The following ADAM32 variants were observed in gnomAD, a reference collection of about 807,000 sequenced individuals.
ADAM32 encodes disintegrin and metalloproteinase domain-containing protein 32.
In ADAM32, 89 loss-of-function variants were observed where a neutral mutation model predicts 114.9. That is an observed-to-expected ratio of 0.77 (90% confidence interval 0.65 to 0.92). ADAM32 has a LOEUF of 0.92. Ranked by LOEUF, ADAM32 falls within the 40% of genes least tolerant of loss-of-function variation. The probability of loss-of-function intolerance (pLI) is 0.00; values close to 1 mark genes in which losing one functional copy is unlikely to be tolerated. For synonymous variants in ADAM32, 285 were observed against 307.5 expected (o/e 0.93, Z 0.77); for missense variants, 870 against 932.8 (o/e 0.93, Z 0.88).
intron 2 of ADAM32, among the ~76,000 whole-genome samples, chr8:39,129,213 T>A (rs1288583033): frequency 1.3e-5 from 2 of 151,972 alleles, no homozygotes; most frequent in Non-Finnish European, 1.5e-5. Flanking sequence ...TTATGCCTTA[T>A]TTTCCTTTTC....
intron 19 of ADAM32, among the ~76,000 whole-genome samples, chr8:39,264,816 A>T (rs953804294): frequency 6.6e-6 from 1 of 152,286 alleles, no homozygotes; most frequent in African/African-American, 2.4e-5. Flanking sequence ...CCAAAAAGTC[A>T]TTCAGGAGCA....
At chr8:39,276,773 A>G (rs977239673) in intron 22 of ADAM32, among the ~76,000 whole-genome samples, 1 of 151,952 alleles carries the variant, frequency 6.6e-6, no homozygotes, top group Admixed American at 6.6e-5. Context: ...TTTTATTATC[A>G]TGTCTGTTCT....
At chr8:39,277,054 C>CTA (rs10612097) in intron 22 of ADAM32, among the ~76,000 whole-genome samples, 14 of 151,840 alleles carry the variant, frequency 9.2e-5, no homozygotes, top group African/African-American at 3.2e-4. Context: ...ATAGACAAAT[C>CTA]TATATATATA....
chr8:39,278,290 A>G (rs970684072), intron 22 of ADAM32, among the ~76,000 whole-genome samples: 3 of 145,492 alleles, frequency 2.1e-5, no homozygotes, highest in African/African-American at 7.9e-5. Context: ...GGGGAGGGGC[A>G]GGGCCATGGG....
intron 2 of ADAM32, among the ~76,000 whole-genome samples, chr8:39,120,473 G>A (rs1312363351): frequency 1.3e-5 from 2 of 152,042 alleles, no homozygotes; most frequent in African/African-American, 4.8e-5. Flanking sequence ...CATTAAAGGT[G>A]TTCCTGGGCC....
intron 11 of ADAM32, among the ~76,000 whole-genome samples, chr8:39,197,947 T>C (rs1429308915): frequency 6.6e-6 from 1 of 152,162 alleles, no homozygotes; most frequent in Non-Finnish European, 1.5e-5. Flanking sequence ...TGTATTGGGG[T>C]CTATTTCTCT....
intron 10 of ADAM32, among the ~76,000 whole-genome samples, chr8:39,180,462 C>G (rs977114977): frequency 2.0e-5 from 3 of 152,244 alleles, no homozygotes; most frequent in Non-Finnish European, 2.9e-5. Flanking sequence ...AGCGCTGCCC[C>G]CTGCTCCACG....
intron 3 of ADAM32, among the ~76,000 whole-genome samples, chr8:39,138,750 C>T (rs1477637503): frequency 6.6e-6 from 1 of 152,210 alleles, no homozygotes; most frequent in Non-Finnish European, 1.5e-5. Context: ...AATCACCACA[C>T]TGTCTTCCAC....
In ADAM32 at chr8:39,277,950, G is replaced by A. The variant is rs564358161; in HGVS notation, c.2279+2084G>A. Among the ~76,000 whole-genome samples, 284 of 152,324 alleles carry A rather than the reference G, an allele frequency of 1.9e-3. 1 individual carries two copies. The highest frequency in any genetic ancestry group is 6.6e-3 in the African/African-American group (275 of 41,576). Reference sequence around the variant, plus strand: ...GTGAGGGCGAAGGGACAGTGTGACAGCCTTTTGAATCCACACTTGTGGCTC... The same window carrying A: ...GTGAGGGCGAAGGGACAGTGTGACAACCTTTTGAATCCACACTTGTGGCTC... On this transcript the variant is annotated intron_variant, in intron 22 of 24. Coordinates refer to ENST00000379907, the MANE Select transcript of ADAM32 (RefSeq NM_145004.7).
At chr8:39,270,990 A>C in intron 20 of ADAM32, 76 bp downstream of exon 20, 2 of 1,421,914 alleles carry the variant, frequency 1.4e-6, no homozygotes, top group Non-Finnish European at 1.9e-6. Context: ...ATTTATTTCC[A>C]ATTTTTTTTT....
intron 16 of ADAM32, among the ~76,000 whole-genome samples, chr8:39,245,378 CCAA>C (rs995774627): frequency 6.0e-4 from 91 of 152,150 alleles, no homozygotes; most frequent in African/African-American, 2.1e-3. Flanking sequence ...GATGGCTGCA[CCAA>C]CATCTCAGAA....
intron 19 of ADAM32, among the ~76,000 whole-genome samples, chr8:39,262,216 T>A (rs916340206): frequency 2.6e-4 from 39 of 152,060 alleles, no homozygotes; most frequent in African/African-American, 8.5e-4. Flanking sequence ...TTTTTTTTTT[T>A]TCTGGTATAG....
chr8:39,202,407 A>AC (rs1807488227), intron 11 of ADAM32, among the ~76,000 whole-genome samples: 1 of 152,056 alleles, frequency 6.6e-6, no homozygotes, highest in East Asian at 1.9e-4. Flanking sequence ...TTTCTAGTTT[A>AC]TTTGCGTAGA....
At chr8:39,234,621 C>T (rs1001847917) in intron 16 of ADAM32, among the ~76,000 whole-genome samples, 2 of 152,170 alleles carry the variant, frequency 1.3e-5, no homozygotes, top group Admixed American at 6.5e-5. Flanking sequence ...ATTATAAGTG[C>T]TTAGCACAAT....
chr8:39,208,879 G>T (rs899645234), intron 11 of ADAM32, among the ~76,000 whole-genome samples: 1 of 151,782 alleles, frequency 6.6e-6, no homozygotes, highest in Non-Finnish European at 1.5e-5. Context: ...GTTTTATTTC[G>T]GTTGACTCTT....
chr8:39,195,856 TG>T (rs1166196652), intron 11 of ADAM32, among the ~76,000 whole-genome samples: 7 of 152,242 alleles, frequency 4.6e-5, no homozygotes, highest in Non-Finnish European at 7.3e-5. Context: ...ATTTTAGGAT[TG>T]TTTTTTCTAC....
intron 6 of ADAM32, among the ~76,000 whole-genome samples, chr8:39,153,673 G>A (rs1034215139): frequency 2.0e-5 from 3 of 152,168 alleles, no homozygotes; most frequent in African/African-American, 4.8e-5. Flanking sequence ...GTGTCTGAGA[G>A]CACACTCTTG....
intron 21 of ADAM32, 34 bp from the exon 22 acceptor site, chr8:39,275,794 A>G (rs1281028342): frequency 6.5e-7 from 1 of 1,540,566 alleles, no homozygotes; most frequent in Admixed American, 2.0e-5. Context: ...GTTAAGTATT[A>G]ACGTGGAAGC....
chr8:39,265,385 G>A (rs924056817), intron 19 of ADAM32, among the ~76,000 whole-genome samples: 1 of 152,098 alleles, frequency 6.6e-6, no homozygotes, highest in Non-Finnish European at 1.5e-5. Flanking sequence ...GAGCTTATGG[G>A]TGTCATTGCA....
Sources: allele counts gnomAD v4.1 joint callset (sites outside exome capture counted in the v4.1 genomes callset), GRCh38; gene constraint gnomAD v4.1.1; transcripts MANE v1.5; gene names NCBI Gene and HGNC (gene_info 2026-07-23, HGNC 2026-07-21).